HEATR1: variants seen among roughly 807,000 people sequenced by gnomAD.
The protein encoded by HEATR1 is HEAT repeat containing 1.
A neutral mutation model predicts 248.2 loss-of-function variants in HEATR1; 77 were observed. That is an observed-to-expected ratio of 0.31 (90% CI 0.26 to 0.37). The LOEUF (loss-of-function observed/expected upper bound fraction) is 0.37. Among genes scored for constraint, HEATR1 ranks in the 10% least tolerant of loss-of-function variants. The pLI is 1.00. For missense variants in HEATR1, 2,420 were observed against 2,504.9 expected (o/e 0.97, Z 0.72); for synonymous variants, 897 against 923.1 (o/e 0.97, Z 0.51).
intron 20 of HEATR1, among the ~76,000 whole-genome samples, chr1:236,580,051 T>C (rs980540481): frequency 1.3e-5 from 2 of 152,180 alleles, no homozygotes; most frequent in Non-Finnish European, 1.5e-5. Flanking sequence ...ATGTCCATTA[T>C]TCTAATCAAT....
intron 28 of HEATR1, among the ~76,000 whole-genome samples, chr1:236,570,362 T>G (rs1490336404): frequency 6.6e-6 from 1 of 152,142 alleles, no homozygotes; most frequent in African/African-American, 2.4e-5. Context: ...ACATATTGTA[T>G]GACTCAATTT....
chr1:236,577,013 C>T (rs1663579589), intron 20 of HEATR1, 64 bp from the exon 21 acceptor site: 1 of 1,283,634 alleles, frequency 7.8e-7, no homozygotes, highest in Non-Finnish European at 1.1e-6. Flanking sequence ...ACAAAATTTA[C>T]ATAGTACCAA....
In HEATR1 at chr1:236,585,870, A is replaced by T. The variant is rs1221551348; in HGVS notation, c.1999T>A (p.Leu667Met). ...IGVANQKMIELLADNINLGDP... is the reference protein window; with the variant it reads ...IGVANQKMIEMLADNINLGDP... Reference sequence around the variant, plus strand: ...CCTAAATTTATATTATCAGCCAACAACTCAATCATCTTCTGATTTGCTACA... The same window carrying T: ...CCTAAATTTATATTATCAGCCAACATCTCAATCATCTTCTGATTTGCTACA... Residue 667 changes from leucine to methionine, a missense_variant, in exon 16 of 45, where the codon TTG becomes ATG. By Grantham distance (15) the Leu-to-Met change is conservative (BLOSUM62 2). Coordinates refer to ENST00000366582, the MANE Select transcript of HEATR1 (RefSeq NM_018072.6). The T allele has an allele frequency of 1.2e-6, 2 of 1,612,656 alleles. No homozygotes were observed. Among genetic ancestry groups the T allele is most frequent in the East Asian group, 4.5e-5 (2 of 44,774 alleles).
chr1:236,559,434 T>TA (rs1663064600), intron 34 of HEATR1, among the ~76,000 whole-genome samples: 1 of 152,226 alleles, frequency 6.6e-6, no homozygotes, highest in South Asian at 2.1e-4. Context: ...ATATACTTCA[T>TA]ACTTTTATTT....
intron 32 of HEATR1, 87 bp downstream of exon 32, chr1:236,564,411 A>T: frequency 1.7e-6 from 2 of 1,187,682 alleles, no homozygotes; most frequent in Non-Finnish European, 2.4e-6. Context: ...TTCATGAGCC[A>T]TTTACCAAGC....
At position 236,581,391 on chromosome 1, in the gene HEATR1, C is replaced by G; in HGVS notation, c.2586G>C (p.Gln862His). 6.5e-7 allele frequency: 1 copy of G among 1,528,174 alleles called. No individual in the cohort carries two copies. Among genetic ancestry groups the G allele is most frequent in the Non-Finnish European group, 8.8e-7 (1 of 1,141,700 alleles). 94.7% of individuals were successfully genotyped at this position (1,528,174 alleles called of 1,614,324 possible). Residue 862 changes from glutamine to histidine, a missense_variant, in exon 20 of 45, where the codon CAG becomes CAC. Gln to His is a conservative substitution (Grantham distance 24). Coordinates refer to ENST00000366582, the MANE Select transcript of HEATR1 (RefSeq NM_018072.6). ...FIKVHLEDVF[Q>H]LFKFCSVLWT... is the part of the protein sequence containing the mutation. Reference sequence around the variant, plus strand: ...ATAAAACAGAACAGAACTTGAATAACTGAAAAACATCTTCTAGATGCACCT... The same window carrying G: ...ATAAAACAGAACAGAACTTGAATAAGTGAAAAACATCTTCTAGATGCACCT...
In HEATR1 at chr1:236,574,684, T is replaced by A. The variant is rs372897306; in HGVS notation, c.3304A>T (p.Ile1102Phe). Residue 1102 changes from isoleucine (I) to phenylalanine (F), a missense_variant, in exon 23 of 45, where the codon ATT (isoleucine) becomes TTT (phenylalanine). Ile to Phe is a conservative substitution (Grantham distance 21, BLOSUM62 0). Transcript: ENST00000366582. ...TKELYAGMPTIQITALEKITK... is the reference protein window; with the variant it reads ...TKELYAGMPTFQITALEKITK... ...ACCTTTTCAAGGGCTGTGATCTGAATGGTTGGCATTCCCGCGTAAAGTTCC... is the reference window on the plus strand; with the variant it reads ...ACCTTTTCAAGGGCTGTGATCTGAAAGGTTGGCATTCCCGCGTAAAGTTCC... 6 of 1,613,840 alleles carry A rather than the reference T, an allele frequency of 3.7e-6. No individual in the cohort carries two copies. Among genetic ancestry groups the A allele is most frequent in the Middle Eastern group, 3.3e-4 (2 of 6,062 alleles).
intron 19 of HEATR1, 96 bp downstream of exon 19, chr1:236,582,640 T>A (rs1323781464): frequency 1.6e-6 from 2 of 1,273,216 alleles, no homozygotes; most frequent in African/African-American, 1.5e-5. Context: ...TGACCTCAAG[T>A]GATCCGCCTG....
At position 236,554,743 on chromosome 1, in the gene HEATR1, A is replaced by G. The variant is rs1404996491; in HGVS notation, c.5933T>C (p.Phe1978Ser). 2.5e-6 allele frequency: 4 copies of G among 1,610,696 alleles called. No homozygotes were observed. Among genetic ancestry groups the G allele is most frequent in the Non-Finnish European group, 3.4e-6 (4 of 1,179,138 alleles). Residue 1978 changes from phenylalanine to serine, a missense_variant, in exon 42 of 45, where the codon TTT (phenylalanine) becomes TCT (serine). By Grantham distance (155) the Phe-to-Ser change is radical. Coordinates refer to ENST00000366582, the MANE Select transcript of HEATR1 (RefSeq NM_018072.6). ...TTCAGGGTCATTTTCAGAGTCAAAA[A>G]ATGCTTCATCTGTAGACGTGGGAAG... The part of the protein sequence containing the change: ...QVNISKTDEA[F>S]FDSENDPEKC...
At chr1:236,602,133 T>C (rs922705236) in intron 3 of HEATR1, among the ~76,000 whole-genome samples, 2 of 150,708 alleles carry the variant, frequency 1.3e-5, no homozygotes, top group Non-Finnish European at 3.0e-5. Flanking sequence ...TGCGAGACTG[T>C]CTCAAAAAAA....
intron 6 of HEATR1, 101 bp from the exon 7 acceptor site, chr1:236,596,145 A>C (rs1259579236): frequency 1.2e-6 from 1 of 821,370 alleles, no homozygotes; most frequent in Non-Finnish European, 1.9e-6. Flanking sequence ...AGATTAATAC[A>C]ACCTAATGCA....
At chr1:236,586,087 T>C (rs1001628629) in intron 15 of HEATR1, 146 bp from the exon 16 acceptor site, 16 of 1,267,048 alleles carry the variant, frequency 1.3e-5, no homozygotes, top group African/African-American at 1.5e-5. Flanking sequence ...TGTCTATGAA[T>C]TGGCTTCCTT....
intron 16 of HEATR1, 126 bp from the exon 17 acceptor site, chr1:236,585,342 A>G: frequency 2.9e-6 from 2 of 688,168 alleles, no homozygotes; most frequent in South Asian, 4.7e-5. Flanking sequence ...GAAAGCCTTT[A>G]TAAAGTACTA....
At chr1:236,602,513 A>T (rs1364001190) in intron 3 of HEATR1, among the ~76,000 whole-genome samples, 5 of 152,220 alleles carry the variant, frequency 3.3e-5, no homozygotes, top group Non-Finnish European at 5.9e-5. Flanking sequence ...ATTTCAGAGG[A>T]TAACATTGCC....
intron 33 of HEATR1, among the ~76,000 whole-genome samples, chr1:236,560,440 G>T (rs919823626): frequency 6.6e-5 from 10 of 152,174 alleles, no homozygotes; most frequent in Non-Finnish European, 1.0e-4. Context: ...CAGCCTGAGG[G>T]GGGAGCTAGA....
rs1325834649 is a variant in HEATR1, at chr1:236,574,875, G to A, written c.3113C>T (p.Ala1038Val). ...EMVLSQLLPM[A>V]EQLLEKIQKE... ...CTGGATCTTTTCTAGCAGTTGTTCAGCCATAGGCAATAGCTGAGAAAGCAC... is the reference window on the plus strand; with the variant it reads ...CTGGATCTTTTCTAGCAGTTGTTCAACCATAGGCAATAGCTGAGAAAGCAC... Residue 1038 changes from alanine (A) to valine (V), a missense_variant, in exon 23 of 45, where the codon GCT (alanine) becomes GTT (valine). Ala to Val is a moderately conservative substitution (Grantham distance 64). Transcript: ENST00000366582. 1 of 1,613,484 alleles carries A rather than the reference G, an allele frequency of 6.2e-7. No homozygotes were observed. Among genetic ancestry groups the A allele is most frequent in the African/African-American group, 1.3e-5 (1 of 74,884 alleles).
chr1:236,587,963 A>G lies in HEATR1; in HGVS notation c.1611T>C (p.Ala537=), dbSNP rs756962811. The G allele has an allele frequency of 1.2e-6, 2 of 1,611,072 alleles. No individual in the cohort carries two copies. The highest frequency in any genetic ancestry group is 2.2e-5 in the East Asian group (1 of 44,696). Residue 537 remains alanine, a synonymous_variant, in exon 13 of 45, where the codon GCT becomes GCC. Transcript: ENST00000366582. ...GDDNIDVVLS[A]ISAFEIFKEH... ...ATTCACTCACCTCAAAAGCACTTAT[A>G]GCCGACAAAACAACATCTATATTAT...
intron 37 of HEATR1, among the ~76,000 whole-genome samples, chr1:236,556,629 C>T (rs1662986411): frequency 6.6e-6 from 1 of 152,186 alleles, no homozygotes; most frequent in South Asian, 2.1e-4. Flanking sequence ...TAAACCCTGG[C>T]TGTGGTGTAA....
At chr1:236,604,167 T>C (rs759667490) in intron 1 of HEATR1, 40 bp from the exon 2 acceptor site, 58 of 1,467,524 alleles carry the variant, frequency 4.0e-5, no homozygotes, top group Non-Finnish European at 5.1e-5. Context: ...TCTACGAAAT[T>C]ATAAGGCGCC....
Sources: allele counts gnomAD v4.1 joint callset (sites outside exome capture counted in the v4.1 genomes callset), GRCh38; gene constraint gnomAD v4.1.1; transcripts MANE v1.5; gene names NCBI Gene and HGNC (gene_info 2026-07-23, HGNC 2026-07-21).